PVT1: variants seen among roughly 807,000 people sequenced by gnomAD.
PVT1 encodes the protein Pvt1 oncogene.
At position 128,076,787 on chromosome 8, in the gene PVT1, G is replaced by A. The variant is rs74431944; in HGVS notation, n.1114+6426G>A. Among the ~76,000 whole-genome samples, 1,184 of 152,304 alleles carry A rather than the reference G, an allele frequency of 7.8e-3. 15 individuals carry two copies. The highest frequency in any genetic ancestry group is 0.027 in the African/African-American group (1,141 of 41,558). ...ATAGGTCATCTCATGAACTGATGAGGCATCCTCAGAGACCACGAGAGCCCA... is the reference window on the plus strand; with the variant it reads ...ATAGGTCATCTCATGAACTGATGAGACATCCTCAGAGACCACGAGAGCCCA... On this transcript the variant is annotated intron_variant and non_coding_transcript_variant, in intron 5 of 10. Coordinates refer to ENST00000651587, the Ensembl canonical transcript of PVT1.
At chr8:127,795,490 A>C (rs1238296186) in intron 1 of PVT1, among the ~76,000 whole-genome samples, 3 of 152,222 alleles carry the variant, frequency 2.0e-5, no homozygotes, top group African/African-American at 7.2e-5. Context: ...AGAACATTAG[A>C]GAGGAGAAGA....
chr8:127,999,013 A>C (rs1341122792), intron 4 of PVT1: 1 of 152,224 alleles, frequency 6.6e-6, no homozygotes, highest in Non-Finnish European at 1.5e-5. Context: ...TTAGAATCCA[A>C]GATCTGGGTG....
At chr8:127,829,891 G>A (rs917073819) in intron 2 of PVT1, among the ~76,000 whole-genome samples, 1 of 152,144 alleles carries the variant, frequency 6.6e-6, no homozygotes, top group Non-Finnish European at 1.5e-5. Context: ...TGAAGGCTCC[G>A]AAAAATAATC....
chr8:127,866,118 G>A (rs1257518357), intron 2 of PVT1, among the ~76,000 whole-genome samples: 1 of 152,164 alleles, frequency 6.6e-6, no homozygotes, highest in African/African-American at 2.4e-5. Context: ...CTGCCCTGCT[G>A]TTTAAATTGT....
chr8:128,094,465 G>A (rs1814400903), intron 5 of PVT1, among the ~76,000 whole-genome samples: 1 of 152,170 alleles, frequency 6.6e-6, no homozygotes, highest in African/African-American at 2.4e-5. Context: ...GCTATAGTTG[G>A]TGTGTGCAGA....
At chr8:127,902,944 A>G (rs946318731) in intron 3 of PVT1, among the ~76,000 whole-genome samples, 1 of 152,134 alleles carries the variant, frequency 6.6e-6, no homozygotes, top group Non-Finnish European at 1.5e-5. Flanking sequence ...TCCTTTGAGT[A>G]TACACCCAGG....
chr8:127,963,944 G>A (rs146575872), intron 3 of PVT1, among the ~76,000 whole-genome samples: 1 of 152,178 alleles, frequency 6.6e-6, no homozygotes, highest in Non-Finnish European at 1.5e-5. Context: ...TTCTAGGATC[G>A]TTTATTCGTC....
intron 2 of PVT1, among the ~76,000 whole-genome samples, chr8:127,806,109 A>G (rs1347106623): frequency 1.3e-5 from 2 of 152,192 alleles, no homozygotes; most frequent in African/African-American, 4.8e-5. Flanking sequence ...TCAACAACAA[A>G]AAGACAAACA....
chr8:127,811,412 G>C (rs1298903318), intron 2 of PVT1, among the ~76,000 whole-genome samples: 1 of 152,168 alleles, frequency 6.6e-6, no homozygotes, highest in Non-Finnish European at 1.5e-5. Context: ...CATTGCACAA[G>C]CTCCCTCAGG....
At chr8:127,956,595 C>T (rs1816572411) in intron 3 of PVT1, among the ~76,000 whole-genome samples, 1 of 152,242 alleles carries the variant, frequency 6.6e-6, no homozygotes. Context: ...AGCGATTCTC[C>T]TGCCTCAGCC....
rs150359865 is a variant in PVT1, at chr8:128,063,553, GACAC to G, written n.913-6593_913-6590del. On this transcript the variant is annotated intron_variant and non_coding_transcript_variant, in intron 4 of 10. Coordinates refer to ENST00000651587, the Ensembl canonical transcript of PVT1. ...AATTTTGAGATTTATGTGTGTGCCA[GACAC>G]ACACACACACACATATGTACACAAG... is the stretch of plus-strand genomic sequence containing the variant. Among the ~76,000 whole-genome samples, 8 of 151,148 alleles carry G rather than the reference GACAC, an allele frequency of 5.3e-5. No homozygotes were observed. The East Asian group carries it at 5.8e-4, about 11-fold the overall frequency.
At chr8:127,999,494 C>T (rs1405640438) in intron 4 of PVT1, among the ~76,000 whole-genome samples, 1 of 150,686 alleles carries the variant, frequency 6.6e-6, no homozygotes, top group Non-Finnish European at 1.5e-5. Context: ...TGGATTCTCA[C>T]ACTTTCGCCC....
Position 128,009,518 on chromosome 8 carries a change from G to C in PVT1, n.912+20227G>C, listed in dbSNP as rs1817289244. ...TGTCTAAAGACATTAAAGACATATA[G>C]GTGGTATTAAATGAACCTTTAACTA... On this transcript the variant is annotated intron_variant and non_coding_transcript_variant, in intron 4 of 10. Transcript: ENST00000651587. The C allele has an allele frequency of 2.0e-5, 3 of 152,058 alleles. No individual in the cohort carries two copies. In the South Asian group the frequency reaches 6.2e-4, roughly 32 times the overall value. The allele number at this position is 152,058 out of a possible 1,614,324, so 9.4% of individuals were successfully genotyped here.
intron 3 of PVT1, among the ~76,000 whole-genome samples, chr8:127,923,271 ACT>A (rs1816087425): frequency 1.3e-5 from 2 of 152,132 alleles, no homozygotes; most frequent in African/African-American, 4.8e-5. Context: ...CTCACAAGCA[ACT>A]CTGCGAAGCA....
In PVT1 at chr8:127,882,762, C is replaced by T. The variant is rs546790720; in HGVS notation, n.373-7827C>T. Among the ~76,000 whole-genome samples the T allele has an allele frequency of 5.9e-5, 9 of 152,198 alleles. No individual in the cohort carries two copies. The South Asian group carries it at 1.0e-3, about 18-fold the overall frequency. The stretch of plus-strand genomic sequence containing the variant: ...CCTCCCAAAGTGCTGGGATTACAGG[C>T]GTGAGCCACCACACCCAGCCAGTTT... On this transcript the variant is annotated intron_variant and non_coding_transcript_variant, in intron 2 of 10. Transcript: ENST00000651587.
intron 2 of PVT1, among the ~76,000 whole-genome samples, chr8:127,860,962 G>A (rs1815221920): frequency 6.6e-6 from 1 of 152,078 alleles, no homozygotes; most frequent in East Asian, 1.9e-4. Flanking sequence ...TGGTAGAGGC[G>A]TGAACTTGGG....
At chr8:127,997,534 C>T (rs749532810) in intron 4 of PVT1, among the ~76,000 whole-genome samples, 16 of 152,104 alleles carry the variant, frequency 1.1e-4, no homozygotes, top group Admixed American at 5.2e-4. Flanking sequence ...GGAAATATTC[C>T]AGATGTCATG....
At chr8:128,087,479 A>G (rs1268429892) in intron 5 of PVT1, among the ~76,000 whole-genome samples, 1 of 152,142 alleles carries the variant, frequency 6.6e-6, no homozygotes. Context: ...TCCCTCCCCC[A>G]GGCTGTTATG....
At chr8:127,925,420 G>A (rs1816117679) in intron 3 of PVT1, among the ~76,000 whole-genome samples, 1 of 152,210 alleles carries the variant, frequency 6.6e-6, no homozygotes, top group Admixed American at 6.5e-5. Flanking sequence ...ACAAAAGAGA[G>A]CCTCTACTAT....
Sources: allele counts gnomAD v4.1 joint callset (sites outside exome capture counted in the v4.1 genomes callset), GRCh38; gene constraint gnomAD v4.1.1; transcripts MANE v1.5; gene names NCBI Gene and HGNC (gene_info 2026-07-23, HGNC 2026-07-21).